The following PAXIP1 variants were observed in gnomAD, a reference collection of about 807,000 sequenced individuals.
The protein encoded by PAXIP1 is PAX interacting protein 1, also known as PAX-interacting protein 1.
PAXIP1 carries 19 observed loss-of-function variants against 140.6 expected under a neutral mutation model. The ratio of observed to expected loss-of-function variants is 0.14; its 90% CI spans 0.09 to 0.20. PAXIP1 has a LOEUF of 0.20. PAXIP1 is among the 10% of genes least tolerant of loss of function. The pLI is 1.00. For missense variants in PAXIP1, 920 were observed against 1,208.6 expected (o/e 0.76, Z 3.54); for synonymous variants, 442 against 444.6 (o/e 0.99, Z 0.07).
chr7:154,945,554 T>A, intron 20 of PAXIP1: 1 of 985,370 alleles, frequency 1.0e-6, no homozygotes, highest in South Asian at 4.7e-5. Context: ...ATTCCCCTGC[T>A]TAAGGAAAGG....
At chr7:154,976,470 G>T in intron 5 of PAXIP1, 139 bp from the exon 6 acceptor site, 2 of 1,210,408 alleles carry the variant, frequency 1.7e-6, no homozygotes, top group Non-Finnish European at 2.3e-6. Flanking sequence ...TTATACAGAA[G>T]CAACGTTTGA....
In PAXIP1 at chr7:154,976,126, T is replaced by C. The variant is rs569181798; in HGVS notation, c.644A>G (p.Asp215Gly). Residue 215 changes from aspartate (D) to glycine (G), a missense_variant, in exon 6 of 21, where the codon GAT (aspartate) becomes GGT (glycine). By Grantham distance (94) the Asp-to-Gly change is moderately conservative (BLOSUM62 -1). This residue lies in a region of PAXIP1 where 419 missense variants were observed against 514.7 expected (regional missense o/e 0.81). Coordinates refer to ENST00000404141, the MANE Select transcript of PAXIP1 (RefSeq NM_007349.4). ...EQDSQNEGSTDEKSSPASSQE... is the reference protein window; with the variant it reads ...EQDSQNEGSTGEKSSPASSQE... ...AGAGCTGGCAGGGCTTGACTTCTCA[T>C]CTGTACTACCCTCATTCTGAGAATC... 3 of 1,571,474 alleles carry C rather than the reference T, an allele frequency of 1.9e-6. No homozygotes were observed. The highest frequency in any genetic ancestry group is 2.6e-6 in the Non-Finnish European group (3 of 1,156,858).
chr7:154,961,112 AATGTTAG>A, intron 11 of PAXIP1, 35 bp from the exon 12 acceptor site: 2 of 1,397,308 alleles, frequency 1.4e-6, no homozygotes, highest in Non-Finnish European at 1.9e-6. Flanking sequence ...ATATTTATTA[AATGTTAG>A]AGATGTCAAC....
intron 20 of PAXIP1, 38 bp from the exon 21 acceptor site, chr7:154,944,202 C>T (rs775728180): frequency 1.9e-6 from 3 of 1,580,076 alleles, no homozygotes; most frequent in Non-Finnish European, 2.6e-6. Flanking sequence ...AAACACAAGG[C>T]AAAAGAAAAA....
intron 1 of PAXIP1, chr7:155,001,420 G>A (rs980938467): frequency 1.3e-5 from 2 of 151,100 alleles, no homozygotes; most frequent in African/African-American, 2.4e-5. Context: ...ACTGGAAAAA[G>A]CTAACACTGT....
chr7:154,953,769 G>C (rs4546614), intron 16 of PAXIP1, among the ~76,000 whole-genome samples: 90,558 of 152,018 alleles, frequency 0.6, 27,034 homozygotes, highest in Admixed American at 0.67. Flanking sequence ...TACATACCAT[G>C]TCTAAATGTG....
At chr7:154,958,241 G>A (rs1238800114) in intron 13 of PAXIP1, among the ~76,000 whole-genome samples, 3 of 152,126 alleles carry the variant, frequency 2.0e-5, no homozygotes, top group Non-Finnish European at 2.9e-5. Flanking sequence ...GGAAGGAGAT[G>A]GGATTCCCTT....
At chr7:154,972,509 A>G (rs1024558867) in intron 6 of PAXIP1, among the ~76,000 whole-genome samples, 2 of 152,216 alleles carry the variant, frequency 1.3e-5, no homozygotes, top group Non-Finnish European at 2.9e-5. Flanking sequence ...CAAAACATAT[A>G]TATTAGAAAT....
chr7:154,983,781 T>C (rs1439671856), intron 4 of PAXIP1: 2 of 153,070 alleles, frequency 1.3e-5, no homozygotes, highest in African/African-American at 2.4e-5. Context: ...ATACTAATTA[T>C]GAAATGAATA....
Position 154,973,050 on chromosome 7 carries a change from A to G in PAXIP1, c.1074+2646T>C, listed in dbSNP as rs929077659. ...TGCAGGGACCAGGGCCGGCACCCTC[A>G]GCATTGGGCGGTGCTGGAGCTGGCT... is the stretch of plus-strand genomic sequence containing the variant. On this transcript the variant is annotated intron_variant, in intron 6 of 20. Transcript: ENST00000404141. The surrounding 1 kb of genome is among the most constrained non-coding windows in gnomAD (Gnocchi z 4.0). Among the ~76,000 whole-genome samples the G allele has an allele frequency of 6.6e-6, 1 of 152,174 alleles. No homozygotes were observed. Among genetic ancestry groups the G allele is most frequent in the African/African-American group, 2.4e-5 (1 of 41,442 alleles).
At position 154,946,137 on chromosome 7, in the gene PAXIP1, C is replaced by A. The variant is rs1454733254; in HGVS notation, c.3194+228G>T. On this transcript the variant is annotated intron_variant, in intron 20 of 20. Coordinates refer to ENST00000404141, the MANE Select transcript of PAXIP1 (RefSeq NM_007349.4). The surrounding 1 kb of genome is among the most constrained non-coding windows in gnomAD (Gnocchi z 4.9). ...ATAAACTAGACAGTATAGATCCTTT[C>A]TAATTAACATCACCTATTAAAACTG... 1.0e-6 allele frequency: 1 copy of A among 977,548 alleles called. No individual in the cohort carries two copies. Among genetic ancestry groups the A allele is most frequent in the African/African-American group, 1.8e-5 (1 of 57,042 alleles). The allele number at this position is 977,548 out of a possible 1,614,324, so 60.6% of individuals were successfully genotyped here.
rs577098888 is a variant in PAXIP1 at position 154,963,077 on chromosome 7, C to G, written c.1989+594G>C. On this transcript the variant is annotated intron_variant, in intron 9 of 20. Coordinates refer to ENST00000404141, the MANE Select transcript of PAXIP1 (RefSeq NM_007349.4). The surrounding 1 kb of genome is among the most constrained non-coding windows in gnomAD (Gnocchi z 4.1). ...CTCTGTAAGGGACCTGGTCTTTACA[C>G]GCTTGTGTGCAAGTCACACACCAGT... Among the ~76,000 whole-genome samples the G allele has an allele frequency of 6.6e-5, 10 of 152,302 alleles. No individual in the cohort carries two copies. The East Asian group carries it at 1.9e-3, about 29-fold the overall frequency.
chr7:154,996,388 G>A (rs1810611533), intron 2 of PAXIP1, among the ~76,000 whole-genome samples: 1 of 152,174 alleles, frequency 6.6e-6, no homozygotes, highest in African/African-American at 2.4e-5. Context: ...ATAGCCAGAG[G>A]GGGAAAAAGT....
chr7:154,947,607 C>T, intron 17 of PAXIP1: 1 of 304,302 alleles, frequency 3.3e-6, no homozygotes, highest in Non-Finnish European at 6.2e-6. Flanking sequence ...GCCTCTTAAC[C>T]AATTACTCAA....
At position 154,976,200 on chromosome 7, in the gene PAXIP1, C is replaced by A; in HGVS notation, c.570G>T (p.Glu190Asp). 1 of 1,612,640 alleles carries A rather than the reference C, an allele frequency of 6.2e-7. No individual in the cohort carries two copies. Among genetic ancestry groups the A allele is most frequent in the Non-Finnish European group, 8.5e-7 (1 of 1,179,072 alleles). ...FYHPRLIIYE[E>D]EEEEEEEEEE... The stretch of plus-strand genomic sequence containing the variant: ...CCTCCTCTTCCTCTTCCTCTTCTTC[C>A]TCTTCATAAATAATCAGACGAGGAT... The change falls in exon 6 of 21, where the codon GAG becomes GAT. Residue 190 changes from glutamate (E) to aspartate (D), a missense_variant. By Grantham distance (45) the Glu-to-Asp change is conservative (BLOSUM62 2). Coordinates refer to ENST00000404141, the MANE Select transcript of PAXIP1 (RefSeq NM_007349.4).
intron 6 of PAXIP1, among the ~76,000 whole-genome samples, chr7:154,969,580 T>C (rs1206399016): frequency 1.3e-5 from 2 of 152,218 alleles, no homozygotes; most frequent in Non-Finnish European, 1.5e-5. Flanking sequence ...GGTGAAGGCA[T>C]CTGGTAATCG....
In PAXIP1 at chr7:154,944,174, T is replaced by C. The variant is rs1179146337; in HGVS notation, c.3195-10A>G. 2 of 1,597,044 alleles carry C rather than the reference T, an allele frequency of 1.3e-6. No individual in the cohort carries two copies. The highest frequency in any genetic ancestry group is 4.5e-5 in the East Asian group (2 of 44,612). On this transcript the variant is annotated splice_polypyrimidine_tract_variant and intron_variant, in intron 20 of 20. Coordinates refer to ENST00000404141, the MANE Select transcript of PAXIP1 (RefSeq NM_007349.4). Reference sequence around the variant, plus strand: ...TCAGTTAAACTTATATGTAGGCTTGTTGAGGAAAACGACTTTCAAACACAA... The same window carrying C: ...TCAGTTAAACTTATATGTAGGCTTGCTGAGGAAAACGACTTTCAAACACAA...
intron 1 of PAXIP1, 40 bp from the exon 2 acceptor site, chr7:154,998,824 T>A: frequency 6.5e-7 from 1 of 1,534,542 alleles, no homozygotes; most frequent in Non-Finnish European, 8.9e-7. Flanking sequence ...AAATGGGCAA[T>A]ACTGTACTGT....
chr7:154,946,847 T>C lies in PAXIP1; in HGVS notation c.2923-34A>G. Reference sequence around the variant, plus strand: ...AAATGAAAATATATGTATTATGTTCTTAAAATGCTTTAATTTTTAGAGTAC... The same window carrying C: ...AAATGAAAATATATGTATTATGTTCCTAAAATGCTTTAATTTTTAGAGTAC... On this transcript the variant is annotated intron_variant, in intron 17 of 20. Transcript: ENST00000404141. This position sits in a 1 kb window ranked among gnomAD's most constrained non-coding sequence, Gnocchi z 4.9. 1 of 1,434,654 alleles carries C rather than the reference T, an allele frequency of 7.0e-7. No homozygotes were observed. Among genetic ancestry groups the C allele is most frequent in the South Asian group, 1.3e-5 (1 of 78,184 alleles). The allele number at this position is 1,434,654 out of a possible 1,614,324, so 88.9% of individuals were successfully genotyped here.
Sources: gnomAD v4.1 joint callset for allele counts (sites outside exome capture counted in the v4.1 genomes callset) on GRCh38, gnomAD v4.1.1 for gene constraint, gnomAD v4.1.1 regional missense constraint, Gnocchi (gnomAD v3.1) non-coding constraint, MANE v1.5 for transcripts, NCBI Gene and HGNC (gene_info 2026-07-23, HGNC 2026-07-21) for gene names.